Variants in TMEM87A observed in about 807,000 individuals in gnomAD.
TMEM87A encodes transmembrane protein 87A.
In TMEM87A, 50 loss-of-function variants were observed where a neutral mutation model predicts 90.0. The ratio of observed to expected loss-of-function variants is 0.56; its 90% confidence interval spans 0.44 to 0.70. The LOEUF is 0.70. TMEM87A is among the 30% of genes least tolerant of loss of function. The probability of loss-of-function intolerance (pLI) is 0.00; values close to 1 mark genes in which losing one functional copy is unlikely to be tolerated. For synonymous variants in TMEM87A, 226 were observed against 226.7 expected (o/e 1.00, Z 0.03); for missense variants, 577 against 660.5 (o/e 0.87, Z 1.39).
intron 9 of TMEM87A, 47 bp downstream of exon 9, chr15:42,237,385 C>A (rs755080405): frequency 5.7e-6 from 9 of 1,589,106 alleles, no homozygotes; most frequent in Middle Eastern, 1.7e-4. Flanking sequence ...TTTCATACAT[C>A]TCACCTTCCA....
intron 19 of TMEM87A, among the ~76,000 whole-genome samples, chr15:42,213,784 G>A (rs930707646): frequency 5.9e-5 from 9 of 152,108 alleles, no homozygotes; most frequent in Non-Finnish European, 1.2e-4. Context: ...CACTGGAAAG[G>A]TAACTGTTTT....
At chr15:42,221,752 T>C (rs2050489737) in intron 15 of TMEM87A, among the ~76,000 whole-genome samples, 2 of 152,046 alleles carry the variant, frequency 1.3e-5, no homozygotes, top group African/African-American at 4.8e-5. Flanking sequence ...CACCAAAGGC[T>C]TTTAAAAAAT....
chr15:42,248,643 T>C (rs557438584), intron 6 of TMEM87A, among the ~76,000 whole-genome samples: 1 of 152,306 alleles, frequency 6.6e-6, no homozygotes, highest in East Asian at 1.9e-4. Flanking sequence ...CAACTTGATC[T>C]TGGTGGACAT....
intron 7 of TMEM87A, 150 bp downstream of exon 7, chr15:42,243,900 T>C (rs1303318331): frequency 4.2e-6 from 2 of 472,462 alleles, no homozygotes; most frequent in East Asian, 7.0e-5. Flanking sequence ...ACTGAAAACA[T>C]GTTACTAACT....
chr15:42,257,831 C>T, intron 6 of TMEM87A: 1 of 809,104 alleles, frequency 1.2e-6, no homozygotes, highest in South Asian at 5.6e-5. Flanking sequence ...TTCAATGTAC[C>T]AATTTGGTAA....
rs1277690756 is a variant in TMEM87A at position 42,272,110 on chromosome 15, A to C, written c.158T>G (p.Phe53Cys). The change falls in exon 2 of 20, where the codon TTT (phenylalanine) becomes TGT (cysteine). Residue 53 changes from phenylalanine (F) to cysteine (C), a missense_variant. Transcript: ENST00000389834. ...HIPIPSGKNY[F>C]SFGKILFRNT... ...TCTGAAGAGGATCTTTCCAAAACTA[A>C]AATAATTTTTCCCCTGCAAACATAA... is the stretch of plus-strand genomic sequence containing the variant. 1 of 1,607,134 alleles carries C rather than the reference A, an allele frequency of 6.2e-7. No homozygotes were observed. The highest frequency in any genetic ancestry group is 8.5e-7 in the Non-Finnish European group (1 of 1,177,422).
intron 19 of TMEM87A, among the ~76,000 whole-genome samples, chr15:42,214,111 G>T (rs2050341103): frequency 6.6e-6 from 1 of 151,246 alleles, no homozygotes; most frequent in East Asian, 1.9e-4. Flanking sequence ...GAATCATCAA[G>T]GAATAGAAAA....
At chr15:42,261,346 C>T in intron 4 of TMEM87A, 97 bp from the exon 5 acceptor site, 1 of 888,842 alleles carries the variant, frequency 1.1e-6, no homozygotes, top group Non-Finnish European at 1.7e-6. Flanking sequence ...CAAAACACCA[C>T]ACCCTAACTA....
At chr15:42,238,488 T>G (rs1040389926) in intron 8 of TMEM87A, among the ~76,000 whole-genome samples, 8 of 152,140 alleles carry the variant, frequency 5.3e-5, no homozygotes, top group African/African-American at 1.9e-4. Context: ...GAGAATCGCT[T>G]GAACCCAGGA....
chr15:42,241,103 A>G (rs893836885), intron 7 of TMEM87A, among the ~76,000 whole-genome samples: 5 of 152,186 alleles, frequency 3.3e-5, no homozygotes, highest in African/African-American at 1.2e-4. Flanking sequence ...TAGAGAAAAA[A>G]TTTACTACCT....
intron 1 of TMEM87A, 136 bp from the exon 2 acceptor site, chr15:42,272,259 T>C (rs535454888): frequency 6.4e-5 from 34 of 533,412 alleles, no homozygotes; most frequent in Non-Finnish European, 1.1e-4. Flanking sequence ...GTTCATTCCC[T>C]TTACTCACCA....
In TMEM87A at chr15:42,241,600, C is replaced by A. The variant is rs183682620; in HGVS notation, c.623-1869G>T. ...CATTTTATAGGCAATGGGGAGCCATCCATTAAAGGTTTCGATGAAGGGAAG... is the reference window on the plus strand; with the variant it reads ...CATTTTATAGGCAATGGGGAGCCATACATTAAAGGTTTCGATGAAGGGAAG... On this transcript the variant is annotated intron_variant, in intron 7 of 19. Transcript: ENST00000389834. 1.2e-4 allele frequency among the ~76,000 whole-genome samples: 19 copies of A among 152,110 alleles called. No individual in the cohort carries two copies. The East Asian group carries it at 3.7e-3, about 29-fold the overall frequency.
chr15:42,227,201 G>A (rs1232331907), intron 14 of TMEM87A, among the ~76,000 whole-genome samples: 1 of 152,174 alleles, frequency 6.6e-6, no homozygotes, highest in Non-Finnish European at 1.5e-5. Flanking sequence ...ACAGGGTTAA[G>A]AGAAAGTTAC....
intron 7 of TMEM87A, among the ~76,000 whole-genome samples, chr15:42,243,269 AAAAT>A (rs1204941803): frequency 1.6e-4 from 19 of 117,608 alleles, no homozygotes; most frequent in South Asian, 6.0e-4. Flanking sequence ...TTCCATCTCA[AAAAT>A]AAATAAATAA....
At position 42,231,235 on chromosome 15, in the gene TMEM87A, G is replaced by A; in HGVS notation, c.1088C>T (p.Ala363Val). The A allele has an allele frequency of 6.3e-7, 1 of 1,591,428 alleles. No individual in the cohort carries two copies. Among genetic ancestry groups the A allele is most frequent in the Non-Finnish European group, 8.5e-7 (1 of 1,170,784 alleles). Reference sequence around the variant, plus strand: ...GTCTAGGAAAGCCAAGGGGATAAAGGCCAAGGAAGCAAGATCAGTCTGGGC... The same window carrying A: ...GTCTAGGAAAGCCAAGGGGATAAAGACCAAGGAAGCAAGATCAGTCTGGGC... ...TGAQTDLASL[A>V]FIPLAFLDTA... Residue 363 changes from alanine (A) to valine (V), a missense_variant, in exon 12 of 20, where the codon GCC becomes GTC. Ala to Val is a moderately conservative substitution (Grantham distance 64). Coordinates refer to ENST00000389834, the MANE Select transcript of TMEM87A (RefSeq NM_015497.5).
chr15:42,267,878 T>G, intron 3 of TMEM87A, 69 bp downstream of exon 3: 6 of 1,281,290 alleles, frequency 4.7e-6, no homozygotes, highest in Non-Finnish European at 5.5e-6. Flanking sequence ...CTTTCCTCTA[T>G]GAAATTAAGA....
intron 15 of TMEM87A, among the ~76,000 whole-genome samples, chr15:42,223,648 A>G (rs556508642): frequency 7.2e-5 from 11 of 152,170 alleles, no homozygotes; most frequent in Admixed American, 2.6e-4. Context: ...GAAGGCCCTC[A>G]CCAGATGCTG....
At chr15:42,260,527 GAATT>G (rs2051268111) in intron 6 of TMEM87A, among the ~76,000 whole-genome samples, 1 of 152,106 alleles carries the variant, frequency 6.6e-6, no homozygotes, top group African/African-American at 2.4e-5. Context: ...ATGTTTTGAG[GAATT>G]AATTATGAAT....
intron 2 of TMEM87A, among the ~76,000 whole-genome samples, chr15:42,270,231 G>A (rs960203513): frequency 7.9e-5 from 12 of 151,440 alleles, no homozygotes; most frequent in Non-Finnish European, 1.3e-4. Flanking sequence ...ATTAGCCGGC[G>A]TGGTGGCACG....
Sources: allele counts gnomAD v4.1 joint callset (sites outside exome capture counted in the v4.1 genomes callset), GRCh38; gene constraint gnomAD v4.1.1; transcripts MANE v1.5; gene names NCBI Gene and HGNC (gene_info 2026-07-23, HGNC 2026-07-21).